The following DYTN variants were observed in gnomAD, a reference collection of about 807,000 sequenced individuals.
DYTN encodes the protein dystrotelin.
A neutral mutation model predicts 69.6 loss-of-function variants in DYTN; 75 were observed. That is an observed-to-expected ratio of 1.08 (90% CI 0.89 to 1.31). DYTN has a LOEUF of 1.31. Among genes scored for constraint, DYTN ranks in the 50% most tolerant of loss-of-function variants. The pLI, the probability that DYTN is intolerant of heterozygous loss-of-function variation, is 0.00. For missense variants in DYTN, 726 were observed against 688.4 expected, an observed-to-expected ratio of 1.05 and a Z score of -0.61; for synonymous variants, 252 against 249.1, an observed-to-expected ratio of 1.01 and a Z score of -0.11.
In DYTN at chr2:206,704,847, T is replaced by A; in HGVS notation, c.479A>T (p.Gln160Leu). The A allele has an allele frequency of 3.7e-6, 6 of 1,613,170 alleles. No homozygotes were observed. The highest frequency in any genetic ancestry group is 5.1e-6 in the Non-Finnish European group (6 of 1,179,496). ...TCTTAAGTATTAGGAATTTACCTGC[T>A]GTAGATCTGTTAGTAGTTTTCTCAA... Reference protein sequence around the residue: ...RVLRKLLTDLQQIPTFVGESR... With the variant: ...RVLRKLLTDLLQIPTFVGESR... The change falls in exon 5 of 12, where the codon CAG (glutamine) becomes CTG (leucine). Residue 160 changes from glutamine (Q) to leucine (L), a missense_variant. Coordinates refer to ENST00000452335, the MANE Select transcript of DYTN (RefSeq NM_001093730.1).
chr2:206,670,014 T>G (rs1053682794), intron 9 of DYTN, among the ~76,000 whole-genome samples: 8 of 152,238 alleles, frequency 5.3e-5, no homozygotes, highest in Admixed American at 3.3e-4. Context: ...AATTCTGTCT[T>G]CTAAAGGAAT....
intron 9 of DYTN, among the ~76,000 whole-genome samples, chr2:206,677,620 T>G (rs1163999840): frequency 6.6e-6 from 1 of 152,074 alleles, no homozygotes; most frequent in Non-Finnish European, 1.5e-5. Flanking sequence ...ACAGCTAGAG[T>G]CATTTGATTT....
At chr2:206,668,135 A>T (rs1304692036) in intron 9 of DYTN, among the ~76,000 whole-genome samples, 2 of 152,228 alleles carry the variant, frequency 1.3e-5, no homozygotes, top group Non-Finnish European at 2.9e-5. Context: ...CAACAAAAAA[A>T]CATTCTCAGA....
chr2:206,714,215 T>C (rs1054910554), intron 1 of DYTN, among the ~76,000 whole-genome samples: 43 of 152,350 alleles, frequency 2.8e-4, no homozygotes, highest in Admixed American at 7.2e-4. Flanking sequence ...TTTCTTTTCT[T>C]TTTTGTTTTG....
chr2:206,664,055 C>A (rs1184240797), intron 10 of DYTN, among the ~76,000 whole-genome samples: 2 of 151,062 alleles, frequency 1.3e-5, no homozygotes, highest in Admixed American at 6.6e-5. Flanking sequence ...TATTCTTCAC[C>A]CTCATACACT....
At chr2:206,660,786 G>C (rs1699503517) in intron 11 of DYTN, among the ~76,000 whole-genome samples, 1 of 152,142 alleles carries the variant, frequency 6.6e-6, no homozygotes, top group Non-Finnish European at 1.5e-5. Context: ...ATTTACTGTA[G>C]AGTATTTTAG....
chr2:206,714,879 G>GC (rs1292426001), intron 1 of DYTN, among the ~76,000 whole-genome samples: 1 of 152,130 alleles, frequency 6.6e-6, no homozygotes, highest in African/African-American at 2.4e-5. Flanking sequence ...CAAGATAGCA[G>GC]CCTTAGAGCT....
chr2:206,678,880 G>A (rs916769092), intron 9 of DYTN: 10 of 152,238 alleles, frequency 6.6e-5, no homozygotes, highest in Non-Finnish European at 1.5e-4. Flanking sequence ...AATAAAAGAA[G>A]GTTTTAGATT....
chr2:206,708,036 G>T (rs1427923935), intron 2 of DYTN, among the ~76,000 whole-genome samples: 2 of 152,170 alleles, frequency 1.3e-5, no homozygotes, highest in East Asian at 1.9e-4. Flanking sequence ...CTTCTGTAAA[G>T]ATCTTTAGGC....
chr2:206,669,532 T>A (rs750163806), intron 9 of DYTN, among the ~76,000 whole-genome samples: 3 of 152,214 alleles, frequency 2.0e-5, no homozygotes. Flanking sequence ...TAGTGATAAA[T>A]ACTTTAGCAG....
intron 9 of DYTN, among the ~76,000 whole-genome samples, chr2:206,667,691 C>CGTGCGTGTGT (rs1251338204): frequency 3.2e-4 from 42 of 130,460 alleles, no homozygotes; most frequent in African/African-American, 1.2e-3. Flanking sequence ...GGCAACTTTG[C>CGTGCGTGTGT]GTGTGCGTGT....
intron 1 of DYTN, among the ~76,000 whole-genome samples, chr2:206,714,007 C>A (rs1307594434): frequency 1.3e-5 from 2 of 152,172 alleles, no homozygotes; most frequent in Non-Finnish European, 2.9e-5. Flanking sequence ...CAAGGAACTG[C>A]TTGGTGTACT....
chr2:206,715,941 A>C (rs1016012811), intron 1 of DYTN, among the ~76,000 whole-genome samples: 1 of 152,096 alleles, frequency 6.6e-6, no homozygotes, highest in African/African-American at 2.4e-5. Context: ...TACAAAAATT[A>C]GCTGGGTGTG....
Position 206,718,338 on chromosome 2 carries a change from A to G in DYTN, c.-59T>C. ...GGGTCCCTGTAACTAGAAATGAACCAGTATTTTAAGCAGAAGGTTTTGCAG... is the reference window on the plus strand; with the variant it reads ...GGGTCCCTGTAACTAGAAATGAACCGGTATTTTAAGCAGAAGGTTTTGCAG... On this transcript the variant is annotated 5_prime_UTR_variant, in exon 1 of 12. Coordinates refer to ENST00000452335, the MANE Select transcript of DYTN (RefSeq NM_001093730.1). The G allele has an allele frequency of 1.3e-6, 2 of 1,567,004 alleles. No individual in the cohort carries two copies. The highest frequency in any genetic ancestry group is 1.7e-6 in the Non-Finnish European group (2 of 1,151,284).
At position 206,693,288 on chromosome 2, in the gene DYTN, C is replaced by T. The variant is rs1699885014; in HGVS notation, c.867G>A (p.Arg289=). The T allele has an allele frequency of 3.1e-6, 5 of 1,613,268 alleles. No individual in the cohort carries two copies. Among genetic ancestry groups the T allele is most frequent in the Non-Finnish European group, 4.2e-6 (5 of 1,179,868 alleles). The change falls in exon 9 of 12, where the codon AGG becomes AGA. Residue 289 remains arginine (R), a synonymous_variant. Coordinates refer to ENST00000452335, the MANE Select transcript of DYTN (RefSeq NM_001093730.1). ...SAMQNTKLLF[R]TLRNNLLQGR... ...CCTGAAGAAGGTTGTTTCTGAGGGTCCTGAAGAGAAGTTTTGTATTCTGCA... is the reference window on the plus strand; with the variant it reads ...CCTGAAGAAGGTTGTTTCTGAGGGTTCTGAAGAGAAGTTTTGTATTCTGCA...
chr2:206,676,538 A>G (rs570635999), intron 9 of DYTN, among the ~76,000 whole-genome samples: 2 of 152,220 alleles, frequency 1.3e-5, no homozygotes, highest in South Asian at 2.1e-4. Context: ...TGGTACATGT[A>G]TATCTGCACG....
intron 9 of DYTN, among the ~76,000 whole-genome samples, chr2:206,689,457 G>A (rs973148202): frequency 1.3e-5 from 2 of 152,114 alleles, no homozygotes; most frequent in Admixed American, 1.3e-4. Context: ...TCAAAGTCTA[G>A]GGTACACTGA....
Position 206,705,852 on chromosome 2 carries a change from C to T in DYTN, c.318G>A (p.Gln106=). 1 of 1,613,816 alleles carries T rather than the reference C, an allele frequency of 6.2e-7. No individual in the cohort carries two copies. Among genetic ancestry groups the T allele is most frequent in the Non-Finnish European group, 8.5e-7 (1 of 1,179,816 alleles). ...MYNSKGTGFL[Q]LMPAAAALIT... is the part of the protein sequence containing the mutation. Reference sequence around the variant, plus strand: ...TTAGGGCAGCGGCCGCAGGCATAAGCTGGAGAAAACCTGTTCCTTTGCTGC... The same window carrying T: ...TTAGGGCAGCGGCCGCAGGCATAAGTTGGAGAAAACCTGTTCCTTTGCTGC... The change falls in exon 4 of 12, where the codon CAG becomes CAA. Residue 106 remains glutamine, a synonymous_variant. Coordinates refer to ENST00000452335, the MANE Select transcript of DYTN (RefSeq NM_001093730.1).
chr2:206,699,741 T>A lies in DYTN; in HGVS notation c.705A>T (p.Pro235=), dbSNP rs762856048. ...GATGACTGTACCTGAGTCCCGTGAT[T>A]GGGAAAGTCCTGCAGAGAGTGCACC... ...PARCTLCRTF[P]ITGLRYRCLK... The change falls in exon 7 of 12, where the codon CCA becomes CCT. Residue 235 remains proline, a synonymous_variant. Coordinates refer to ENST00000452335, the MANE Select transcript of DYTN (RefSeq NM_001093730.1). The A allele has an allele frequency of 1.1e-5, 18 of 1,612,718 alleles. No individual in the cohort carries two copies. The highest frequency in any genetic ancestry group is 1.5e-5 in the Non-Finnish European group (18 of 1,179,486).
Sources: gnomAD v4.1 joint callset for allele counts (sites outside exome capture counted in the v4.1 genomes callset) on GRCh38, gnomAD v4.1.1 for gene constraint, MANE v1.5 for transcripts, NCBI Gene and HGNC (gene_info 2026-07-23, HGNC 2026-07-21) for gene names.